MICU1: variants seen among roughly 807,000 people sequenced by gnomAD.
MICU1 encodes the protein mitochondrial calcium uptake 1.
MICU1 carries 45 observed loss-of-function variants against 56.8 expected under a neutral mutation model. The observed-to-expected ratio is 0.79, with a 90% confidence interval of 0.62 to 1.02. The LOEUF (loss-of-function observed/expected upper bound fraction) is 1.02. MICU1 is among the 50% of genes least tolerant of loss of function. The pLI is 0.00. For missense variants in MICU1, 504 were observed against 587.1 expected (o/e 0.86, Z 1.46); for synonymous variants, 186 against 195.1 (o/e 0.95, Z 0.39).
chr10:72,622,441 A>G (rs935062570), intron 1 of MICU1, among the ~76,000 whole-genome samples: 1 of 152,140 alleles, frequency 6.6e-6, no homozygotes, highest in South Asian at 2.1e-4. Context: ...AGCCACACAA[A>G]GCATTCCATC....
At chr10:72,475,453 G>C (rs1432746812) in intron 7 of MICU1, among the ~76,000 whole-genome samples, 156 bp from the exon 8 acceptor site, 1 of 147,926 alleles carries the variant, frequency 6.8e-6, no homozygotes, top group Non-Finnish European at 1.5e-5. Flanking sequence ...TTTTGAGACA[G>C]AGTCTCTCTC....
At chr10:72,491,981 C>G (rs769977593) in intron 6 of MICU1, among the ~76,000 whole-genome samples, 31 of 152,078 alleles carry the variant, frequency 2.0e-4, no homozygotes, top group Non-Finnish European at 3.8e-4. Flanking sequence ...CTATGCTTAT[C>G]CCCCTCCAAA....
At chr10:72,537,199 T>A (rs1839659280) in intron 4 of MICU1, among the ~76,000 whole-genome samples, 1 of 152,204 alleles carries the variant, frequency 6.6e-6, no homozygotes, top group South Asian at 2.1e-4. Flanking sequence ...TTCACCTTGT[T>A]ATGTTTTGAT....
intron 8 of MICU1, among the ~76,000 whole-genome samples, chr10:72,444,431 T>TGA (rs1453808439): frequency 6.6e-6 from 1 of 150,532 alleles, no homozygotes; most frequent in Non-Finnish European, 1.5e-5. Context: ...TACTTCTATG[T>TGA]GAGAGTCTTT....
chr10:72,481,463 G>A (rs1399636583), intron 6 of MICU1, among the ~76,000 whole-genome samples: 2 of 152,138 alleles, frequency 1.3e-5, no homozygotes, highest in African/African-American at 4.8e-5. Flanking sequence ...CCAGGCTGGA[G>A]TGCAGTGGCA....
chr10:72,434,829 G>C (rs1170271172), intron 8 of MICU1, among the ~76,000 whole-genome samples: 1 of 152,104 alleles, frequency 6.6e-6, no homozygotes, highest in Admixed American at 6.6e-5. Context: ...CACTCCTTTT[G>C]TCCTAGCATT....
chr10:72,517,919 G>A (rs909150861), intron 5 of MICU1, among the ~76,000 whole-genome samples: 1 of 151,918 alleles, frequency 6.6e-6, no homozygotes, highest in African/African-American at 2.4e-5. Flanking sequence ...GGGGTGATAT[G>A]GAGGCATATT....
intron 10 of MICU1, among the ~76,000 whole-genome samples, chr10:72,393,168 T>C (rs141204460): frequency 6.6e-6 from 1 of 152,344 alleles, no homozygotes; most frequent in African/African-American, 2.4e-5. Context: ...ATATAATTAT[T>C]GAGTTCTTCC....
At chr10:72,437,962 C>A (rs547640971) in intron 8 of MICU1, among the ~76,000 whole-genome samples, 6 of 152,266 alleles carry the variant, frequency 3.9e-5, no homozygotes, top group East Asian at 1.9e-4. Flanking sequence ...GACTTTAACA[C>A]CCCACTGTCA....
chr10:72,496,300 CTTT>C (rs565571067), intron 6 of MICU1, among the ~76,000 whole-genome samples: 3 of 134,278 alleles, frequency 2.2e-5, no homozygotes, highest in Non-Finnish European at 3.2e-5. Flanking sequence ...TGGCTAATTC[CTTT>C]TTTTTTTTTT....
At chr10:72,458,895 T>G (rs1265051787) in intron 8 of MICU1, among the ~76,000 whole-genome samples, 1 of 78,672 alleles carries the variant, frequency 1.3e-5, no homozygotes, top group East Asian at 2.1e-4. Flanking sequence ...TTTTTTTTTT[T>G]TTGTATTTTT....
At chr10:72,373,756 A>T (rs1862425518) in intron 11 of MICU1, among the ~76,000 whole-genome samples, 1 of 152,220 alleles carries the variant, frequency 6.6e-6, no homozygotes, top group Non-Finnish European at 1.5e-5. Flanking sequence ...GGCTTCAAAA[A>T]TTATAAAAAT....
chr10:72,478,176 C>G (rs1452556955), intron 6 of MICU1, among the ~76,000 whole-genome samples: 1 of 152,128 alleles, frequency 6.6e-6, no homozygotes, highest in South Asian at 2.1e-4. Context: ...GCCTCAGCCC[C>G]CTATTTCGAT....
At chr10:72,494,189 TA>T (rs1196428877) in intron 6 of MICU1, among the ~76,000 whole-genome samples, 3 of 152,014 alleles carry the variant, frequency 2.0e-5, no homozygotes, top group Non-Finnish European at 4.4e-5. Context: ...GACCTGGGGG[TA>T]AAGCTGCCTA....
intron 5 of MICU1, among the ~76,000 whole-genome samples, chr10:72,513,897 T>G (rs1265194731): frequency 6.6e-6 from 1 of 152,182 alleles, no homozygotes. Flanking sequence ...TTCCATTGTC[T>G]GTGTTTATGC....
chr10:72,470,250 C>T (rs1026513301), intron 8 of MICU1, among the ~76,000 whole-genome samples: 6 of 152,164 alleles, frequency 3.9e-5, no homozygotes, highest in African/African-American at 1.2e-4. Flanking sequence ...CTGCTAGTCA[C>T]GCTTCCTCAA....
chr10:72,604,064 GAC>G (rs140410333), intron 1 of MICU1, among the ~76,000 whole-genome samples: 18 of 149,704 alleles, frequency 1.2e-4, no homozygotes, highest in East Asian at 3.9e-4. Flanking sequence ...TTTACACAAA[GAC>G]ACACACACAC....
chr10:72,569,225 A>T lies in MICU1; in HGVS notation c.-1-2431T>A, dbSNP rs1315062746. Among the ~76,000 whole-genome samples the T allele has an allele frequency of 4.6e-3, 188 of 40,488 alleles. 2 individuals are homozygous for T. The highest frequency in any genetic ancestry group is 0.019 in the African/African-American group (163 of 8,452). The allele number at this position is 40,488 out of a possible 152,430, so 26.6% of individuals were successfully genotyped here. ...TATATGCATATATATATATATATAT[A>T]TATATATATATATTTTTTTTTTTTT... On this transcript the variant is annotated intron_variant, in intron 1 of 11. Transcript: ENST00000361114.
At chr10:72,586,001 C>CTTTTTTTTTTTATTTTTTTTTT (rs1431354386) in intron 1 of MICU1, among the ~76,000 whole-genome samples, 1 of 101,996 alleles carries the variant, frequency 9.8e-6, no homozygotes, top group Non-Finnish European at 2.1e-5. Context: ...TTTATTTTTT[C>CTTTTTTTTTTTATTTTTTTTTT]TTTTTTTTTT....
Sources: gnomAD v4.1 joint callset for allele counts (sites outside exome capture counted in the v4.1 genomes callset) on GRCh38, gnomAD v4.1.1 for gene constraint, MANE v1.5 for transcripts, NCBI Gene and HGNC (gene_info 2026-07-23, HGNC 2026-07-21) for gene names.